The following TNFSF15 variants were observed in gnomAD, a reference collection of about 807,000 sequenced individuals.
The protein encoded by TNFSF15 is TNF superfamily member 15, also known as tumor necrosis factor ligand superfamily member 15.
In TNFSF15, 15 loss-of-function variants were observed where a neutral mutation model predicts 26.4. That is an observed-to-expected ratio of 0.57 (90% confidence interval 0.38 to 0.87). The LOEUF is 0.87. TNFSF15 is among the 40% of genes least tolerant of loss of function. TNFSF15 has a pLI of 0.00. For missense variants in TNFSF15, 290 were observed against 306.1 expected (o/e 0.95, Z 0.39); for synonymous variants, 116 against 115.0 (o/e 1.01, Z -0.06).
At chr9:114,797,728 A>T (rs1191621395) in intron 1 of TNFSF15, among the ~76,000 whole-genome samples, 1 of 152,228 alleles carries the variant, frequency 6.6e-6, no homozygotes, top group Admixed American at 6.5e-5. Context: ...GGTGCTGGTC[A>T]TGGCAACATT....
rs1322348315 is a variant in TNFSF15 at position 114,788,397 on chromosome 9, G to A, written c.*2055C>T. On this transcript the variant is annotated 3_prime_UTR_variant, in exon 4 of 4. Coordinates refer to ENST00000374045, the MANE Select transcript of TNFSF15 (RefSeq NM_005118.4). ...TGCTGACTGTTTTGAGAAAGGGAAG[G>A]CAAGAAAAAGGCCTGGCTTAAGTTA... 1 of 153,712 alleles carries A rather than the reference G, an allele frequency of 6.5e-6. No homozygotes were observed. Among genetic ancestry groups the A allele is most frequent in the Non-Finnish European group, 1.5e-5 (1 of 68,044 alleles). 9.5% of individuals were successfully genotyped at this position (153,712 alleles called of 1,614,324 possible). A position where few individuals can be genotyped will look rare whatever the true frequency, so the allele number is the denominator to read the frequency against.
At position 114,790,663 on chromosome 9, in the gene TNFSF15, G is replaced by A. The variant is rs149700202; in HGVS notation, c.545C>T (p.Thr182Ile). The change falls in exon 4 of 4, where the codon ACC becomes ATC. Residue 182 changes from threonine to isoleucine, a missense_variant. This residue lies in a region of TNFSF15 where 102 missense variants were observed against 114.7 expected (regional missense o/e 0.89). Coordinates refer to ENST00000374045, the MANE Select transcript of TNFSF15 (RefSeq NM_005118.4). ...NKPDSITVVITKVTDSYPEPT... is the reference protein window; with the variant it reads ...NKPDSITVVIIKVTDSYPEPT... ...CTCAGGGTAGCTGTCTGTTACCTTG[G>A]TGATGACCACAGTGATGGAGTCTGG... is the stretch of plus-strand genomic sequence containing the variant. 1.9e-5 allele frequency: 30 copies of A among 1,613,928 alleles called. No individual in the cohort carries two copies. The highest frequency in any genetic ancestry group is 2.5e-5 in the Non-Finnish European group (29 of 1,180,012).
chr9:114,799,842 C>T (rs1013483448), intron 1 of TNFSF15, among the ~76,000 whole-genome samples: 6 of 152,192 alleles, frequency 3.9e-5, no homozygotes, highest in East Asian at 1.9e-4. Flanking sequence ...CTTGCTTGCC[C>T]TTCCTGCCTC....
Position 114,786,514 on chromosome 9 carries a change from G to A in TNFSF15, c.*3938C>T, listed in dbSNP as rs960837231. 6.6e-6 allele frequency: 1 copy of A among 152,198 alleles called. No homozygotes were observed. Among genetic ancestry groups the A allele is most frequent in the African/African-American group, 2.4e-5 (1 of 41,440 alleles). The allele number at this position is 152,198 out of a possible 1,614,324, so 9.4% of individuals were successfully genotyped here. Reference sequence around the variant, plus strand: ...TGATGAGAACTGAATAGTTTAGGTTGAAATGGAGCCAAGAGTTCTGGTGTG... The same window carrying A: ...TGATGAGAACTGAATAGTTTAGGTTAAAATGGAGCCAAGAGTTCTGGTGTG... On this transcript the variant is annotated 3_prime_UTR_variant, in exon 4 of 4. Transcript: ENST00000374045.
At chr9:114,801,303 A>G (rs911755898) in intron 1 of TNFSF15, among the ~76,000 whole-genome samples, 56 of 152,180 alleles carry the variant, frequency 3.7e-4, no homozygotes, top group Admixed American at 3.6e-3. Context: ...AGGGCAGTGG[A>G]AGATACTGTA....
intron 1 of TNFSF15, among the ~76,000 whole-genome samples, chr9:114,795,013 C>T (rs55688553): frequency 0.019 from 2,940 of 152,106 alleles, 38 homozygotes; most frequent in Non-Finnish European, 0.031. Context: ...TTATACTGTA[C>T]ATTACAAAGT....
In TNFSF15 at chr9:114,787,112, G is replaced by A. The variant is rs1247175139; in HGVS notation, c.*3340C>T. On this transcript the variant is annotated 3_prime_UTR_variant, in exon 4 of 4. Transcript: ENST00000374045. ...AAATTCTAATATTTTTAAGGGTATT[G>A]ATGACCAAACTTGAATATAGCAAAT... 1.3e-5 allele frequency: 2 copies of A among 152,004 alleles called. No individual in the cohort carries two copies. The highest frequency in any genetic ancestry group is 2.9e-5 in the Non-Finnish European group (2 of 68,002). The allele number at this position is 152,004 out of a possible 1,614,324, so 9.4% of individuals were successfully genotyped here.
intron 1 of TNFSF15, among the ~76,000 whole-genome samples, chr9:114,802,056 G>C (rs982145765): frequency 7.2e-5 from 11 of 151,918 alleles, no homozygotes; most frequent in Non-Finnish European, 1.2e-4. Flanking sequence ...TTTTTTTTCA[G>C]TTAACTTGTG....
chr9:114,801,980 T>A (rs569616830), intron 1 of TNFSF15, among the ~76,000 whole-genome samples: 1 of 152,218 alleles, frequency 6.6e-6, no homozygotes, highest in African/African-American at 2.4e-5. Context: ...TCCAAATATG[T>A]TCATATAGGT....
At position 114,790,653 on chromosome 9, in the gene TNFSF15, TG is replaced by T; in HGVS notation, c.554del (p.Thr185LysfsTer20). ...GCTGGGTTGGCTCAGGGTAGCTGTC[TG>T]TTACCTTGGTGATGACCACAGTGAT... ...DSITVVITKV[T>X]DSYPEPTQLL... On this transcript the variant is annotated frameshift_variant, in exon 4 of 4. Transcript: ENST00000374045. LOFTEE classifies it high-confidence loss of function. 2 of 1,614,110 alleles carry T rather than the reference TG, an allele frequency of 1.2e-6. No homozygotes were observed. The highest frequency in any genetic ancestry group is 1.7e-6 in the Non-Finnish European group (2 of 1,180,014).
At chr9:114,803,826 C>A (rs758639606) in intron 1 of TNFSF15, among the ~76,000 whole-genome samples, 9 of 152,238 alleles carry the variant, frequency 5.9e-5, no homozygotes, top group Admixed American at 1.3e-4. Flanking sequence ...GTTTCTCTAA[C>A]ACTTCTCCCT....
intron 1 of TNFSF15, among the ~76,000 whole-genome samples, chr9:114,795,099 C>G (rs1190462364): frequency 6.6e-6 from 1 of 152,074 alleles, no homozygotes; most frequent in East Asian, 1.9e-4. Flanking sequence ...ACCCCAAATA[C>G]CCTGACTTGA....
At chr9:114,805,342 C>T (rs892131701) in intron 1 of TNFSF15, among the ~76,000 whole-genome samples, 7 of 152,036 alleles carry the variant, frequency 4.6e-5, no homozygotes, top group East Asian at 1.9e-4. Context: ...TTAAAAAATC[C>T]GTTTTATATC....
chr9:114,791,093 A>G (rs549371887), intron 3 of TNFSF15, 187 bp from the exon 4 acceptor site: 11 of 647,550 alleles, frequency 1.7e-5, no homozygotes, highest in East Asian at 1.1e-4. Context: ...AGAGAATAAC[A>G]TCTTGGACTA....
intron 1 of TNFSF15, among the ~76,000 whole-genome samples, chr9:114,800,062 T>A (rs1829723877): frequency 1.3e-5 from 2 of 152,046 alleles, no homozygotes; most frequent in Admixed American, 1.3e-4. Context: ...GAGATTATCA[T>A]GATCCCTAAT....
At position 114,785,636 on chromosome 9, in the gene TNFSF15, T is replaced by G. The variant is rs570679812; in HGVS notation, c.*4816A>C. 1 of 152,352 alleles carries G rather than the reference T, an allele frequency of 6.6e-6. No individual in the cohort carries two copies. The highest frequency in any genetic ancestry group is 1.5e-5 in the Non-Finnish European group (1 of 68,040). The allele number at this position is 152,352 out of a possible 1,614,324, so 9.4% of individuals were successfully genotyped here. A position where few individuals can be genotyped will look rare whatever the true frequency, so the allele number is the denominator to read the frequency against. ...GAGAAATAGCATCCTAGAAAAATTC[T>G]ATTTTGGAGTAGAAAATTCCTTTGG... On this transcript the variant is annotated 3_prime_UTR_variant, in exon 4 of 4. Coordinates refer to ENST00000374045, the MANE Select transcript of TNFSF15 (RefSeq NM_005118.4).
chr9:114,797,536 GA>G (rs1405413013), intron 1 of TNFSF15, among the ~76,000 whole-genome samples: 1 of 152,258 alleles, frequency 6.6e-6, no homozygotes, highest in Non-Finnish European at 1.5e-5. Flanking sequence ...GAAGAAATTT[GA>G]GAGGATGGAA....
chr9:114,791,005 G>A, intron 3 of TNFSF15, 99 bp from the exon 4 acceptor site: 2 of 1,198,930 alleles, frequency 1.7e-6, no homozygotes, highest in Non-Finnish European at 2.4e-6. Context: ...TAAAGTGATC[G>A]AATATACCTA....
chr9:114,804,730 G>T (rs1829793900), intron 1 of TNFSF15, among the ~76,000 whole-genome samples: 1 of 152,188 alleles, frequency 6.6e-6, no homozygotes, highest in South Asian at 2.1e-4. Flanking sequence ...AATGGCATCT[G>T]GCCATGAACG....
Sources: gnomAD v4.1 joint callset for allele counts (sites outside exome capture counted in the v4.1 genomes callset) on GRCh38, gnomAD v4.1.1 for gene constraint, gnomAD v4.1.1 regional missense constraint, MANE v1.5 for transcripts, NCBI Gene and HGNC (gene_info 2026-07-23, HGNC 2026-07-21) for gene names.